The following NIPAL2 variants were observed in gnomAD, a reference collection of about 807,000 sequenced individuals.
NIPAL2 encodes the protein NIPA-like protein 2.
A neutral mutation model predicts 48.9 loss-of-function variants in NIPAL2; 43 were observed. The ratio of observed to expected loss-of-function variants is 0.88; its 90% CI spans 0.69 to 1.13. NIPAL2 has a LOEUF of 1.13. NIPAL2 is among the 50% of genes most tolerant of loss of function. The pLI is 0.00. For missense variants in NIPAL2, 446 were observed against 461.4 expected (o/e 0.97, Z 0.31); for synonymous variants, 167 against 174.6 (o/e 0.96, Z 0.34).
chr8:98,199,751 C>G (rs1363514995), intron 8 of NIPAL2, among the ~76,000 whole-genome samples: 1 of 152,034 alleles, frequency 6.6e-6, no homozygotes, highest in East Asian at 1.9e-4. Flanking sequence ...AAAAATGATT[C>G]CAACAGACTT....
At position 98,252,489 on chromosome 8, in the gene NIPAL2, G is replaced by A. The variant is rs1158197420; in HGVS notation, c.350C>T (p.Ala117Val). The A allele has an allele frequency of 1.2e-6, 2 of 1,613,088 alleles. No individual in the cohort carries two copies. The highest frequency in any genetic ancestry group is 1.7e-4 in the Middle Eastern group (1 of 6,052). ...AYGFAPITLI[A>V]PLGCVSVTGS... ...TGTAACAGACACACAGCCTAACGGA[G>A]CGATCAGAGTAATGGGAGCAAATCC... Residue 117 changes from alanine (A) to valine (V), a missense_variant, in exon 3 of 11, where the codon GCT (alanine) becomes GTT (valine). Physicochemically the swap from Ala to Val is moderately conservative, Grantham distance 64 (BLOSUM62 0). Coordinates refer to ENST00000430223, the MANE Select transcript of NIPAL2 (RefSeq NM_001321635.2).
chr8:98,285,148 G>C (rs576185058), intron 1 of NIPAL2, among the ~76,000 whole-genome samples: 9 of 152,306 alleles, frequency 5.9e-5, no homozygotes, highest in African/African-American at 2.2e-4. Flanking sequence ...GGTTATTCTG[G>C]GGAGCCGCTC....
chr8:98,269,742 G>A (rs1815011505), intron 1 of NIPAL2, among the ~76,000 whole-genome samples: 1 of 152,004 alleles, frequency 6.6e-6, no homozygotes, highest in South Asian at 2.1e-4. Flanking sequence ...TTGTTAGAAG[G>A]GTATGTTCGC....
intron 4 of NIPAL2, among the ~76,000 whole-genome samples, chr8:98,229,390 A>G (rs1011182147): frequency 9.2e-5 from 14 of 152,170 alleles, no homozygotes; most frequent in Admixed American, 9.2e-4. Flanking sequence ...TGTTTTAAAT[A>G]GAGACACAGT....
chr8:98,208,271 C>T (rs1240618780), intron 6 of NIPAL2, among the ~76,000 whole-genome samples: 1 of 152,170 alleles, frequency 6.6e-6, no homozygotes, highest in Non-Finnish European at 1.5e-5. Context: ...CCTCTCAATT[C>T]CCTCTTAGAT....
intron 8 of NIPAL2, among the ~76,000 whole-genome samples, chr8:98,200,522 T>C (rs1490436269): frequency 1.3e-5 from 2 of 152,242 alleles, no homozygotes; most frequent in East Asian, 3.8e-4. Flanking sequence ...TTTGTTTATT[T>C]ATTCATCTGT....
intron 1 of NIPAL2, among the ~76,000 whole-genome samples, chr8:98,284,224 G>A (rs879192935): frequency 2.6e-5 from 4 of 152,146 alleles, no homozygotes; most frequent in East Asian, 1.9e-4. Context: ...TGACTCCAGC[G>A]GCCATATCCA....
chr8:98,213,078 A>G (rs1346595808), intron 5 of NIPAL2, among the ~76,000 whole-genome samples: 1 of 152,196 alleles, frequency 6.6e-6, no homozygotes, highest in Non-Finnish European at 1.5e-5. Flanking sequence ...GAGAACATAT[A>G]TGATGCACAT....
At chr8:98,279,515 C>T (rs932477597) in intron 1 of NIPAL2, among the ~76,000 whole-genome samples, 1 of 152,140 alleles carries the variant, frequency 6.6e-6, no homozygotes, top group Non-Finnish European at 1.5e-5. Context: ...TTCTTCTACT[C>T]CCCCACTTCC....
At chr8:98,201,347 C>T (rs895901861) in intron 8 of NIPAL2, among the ~76,000 whole-genome samples, 5 of 152,192 alleles carry the variant, frequency 3.3e-5, no homozygotes, top group South Asian at 4.2e-4. Context: ...AAGACCCAGC[C>T]CTGTTGGTCC....
At chr8:98,292,865 G>T (rs1816564660) in intron 1 of NIPAL2, among the ~76,000 whole-genome samples, 1 of 151,822 alleles carries the variant, frequency 6.6e-6, no homozygotes, top group South Asian at 2.1e-4. Context: ...AATTCCTGTG[G>T]GTAGAAGAAA....
chr8:98,207,908 T>C (rs1811114820), intron 6 of NIPAL2, among the ~76,000 whole-genome samples: 2 of 152,220 alleles, frequency 1.3e-5, no homozygotes, highest in Admixed American at 1.3e-4. Context: ...CAATTCCCTA[T>C]TTTTGGATAT....
chr8:98,238,708 C>T (rs960109440), intron 3 of NIPAL2, among the ~76,000 whole-genome samples: 4 of 151,704 alleles, frequency 2.6e-5, no homozygotes, highest in African/African-American at 9.7e-5. Context: ...GGAAGTTTCA[C>T]ACAGGGTAAA....
At chr8:98,208,288 C>G (rs536690620) in intron 6 of NIPAL2, among the ~76,000 whole-genome samples, 1 of 152,146 alleles carries the variant, frequency 6.6e-6, no homozygotes, top group African/African-American at 2.4e-5. Context: ...AGATTTTCAT[C>G]AATATACCTC....
chr8:98,285,501 G>T (rs1816099163), intron 1 of NIPAL2, among the ~76,000 whole-genome samples: 1 of 152,050 alleles, frequency 6.6e-6, no homozygotes, highest in Non-Finnish European at 1.5e-5. Context: ...CTTTCTTCCA[G>T]GGGGGTGAAA....
chr8:98,249,480 T>TATGTCATATATGACATAC (rs988188382), intron 3 of NIPAL2, among the ~76,000 whole-genome samples: 2 of 151,778 alleles, frequency 1.3e-5, no homozygotes, highest in African/African-American at 4.8e-5. Context: ...ATGTCAGACA[T>TATGTCATATATGACATAC]ATGTCATATA....
At chr8:98,257,056 G>T (rs181173488) in intron 1 of NIPAL2, among the ~76,000 whole-genome samples, 1 of 152,234 alleles carries the variant, frequency 6.6e-6, no homozygotes, top group East Asian at 1.9e-4. Context: ...CAACTGACTG[G>T]TGGACCCTCC....
chr8:98,230,410 T>A (rs963544820), intron 4 of NIPAL2, among the ~76,000 whole-genome samples: 1 of 152,130 alleles, frequency 6.6e-6, no homozygotes, highest in Non-Finnish European at 1.5e-5. Flanking sequence ...CCAAAAAAGG[T>A]CCCAAGGCAA....
chr8:98,193,880 T>A (rs1810417363), intron 10 of NIPAL2, among the ~76,000 whole-genome samples: 1 of 152,190 alleles, frequency 6.6e-6, no homozygotes, highest in South Asian at 2.1e-4. Context: ...ACAAGCACCT[T>A]TGCCACTGAT....
Sources: allele counts gnomAD v4.1 joint callset (sites outside exome capture counted in the v4.1 genomes callset), GRCh38; gene constraint gnomAD v4.1.1; transcripts MANE v1.5; gene names NCBI Gene and HGNC (gene_info 2026-07-23, HGNC 2026-07-21).